Variants in TEX264 observed in about 807,000 individuals in gnomAD.
TEX264 encodes the protein testis expressed 264, ER-phagy receptor, also known as testis-expressed protein 264.
TEX264 carries 13 observed loss-of-function variants against 23.4 expected under a neutral mutation model. That is an observed-to-expected ratio of 0.56 (90% CI 0.36 to 0.88). TEX264 has a LOEUF of 0.88. Ranked by LOEUF, TEX264 falls within the 40% of genes least tolerant of loss-of-function variation. The probability of loss-of-function intolerance (pLI) is 0.01; values close to 1 mark genes in which losing one functional copy is unlikely to be tolerated. For synonymous variants in TEX264, 159 were observed against 170.0 expected (o/e 0.94, Z 0.50); for missense variants, 340 against 406.8 (o/e 0.84, Z 1.41).
chr3:51,681,707 C>G (rs1702434953), intron 2 of TEX264: 1 of 152,244 alleles, frequency 6.6e-6, no homozygotes. Flanking sequence ...CGGGCTGGGC[C>G]AGAGCCTGGA....
At chr3:51,675,076 T>C (rs945445210) in intron 2 of TEX264, among the ~76,000 whole-genome samples, 2 of 152,252 alleles carry the variant, frequency 1.3e-5, no homozygotes, top group African/African-American at 4.8e-5. Context: ...TCAGCCATTC[T>C]GATGCCCCTC....
intron 4 of TEX264, among the ~76,000 whole-genome samples, chr3:51,700,551 CTT>C (rs1474391191): frequency 6.6e-6 from 1 of 152,100 alleles, no homozygotes; most frequent in Non-Finnish European, 1.5e-5. Flanking sequence ...GGCAGACACT[CTT>C]CAGTGCCCCT....
Position 51,674,472 on chromosome 3 carries a change from C to G in TEX264, c.168C>G (p.Leu56=). 1 of 1,614,200 alleles carries G rather than the reference C, an allele frequency of 6.2e-7. No individual in the cohort carries two copies. The highest frequency in any genetic ancestry group is 8.5e-7 in the Non-Finnish European group (1 of 1,180,038). ...VTVAYKFHMG[L]YGETGRLFTE... The stretch of plus-strand genomic sequence containing the variant: ...TGGCCTACAAGTTCCACATGGGGCT[C>G]TATGGTGAGACTGGGCGGCTTTTCA... Residue 56 remains leucine (L), a synonymous_variant, in exon 2 of 5, where the codon CTC becomes CTG. Transcript: ENST00000341333.
intron 4 of TEX264, among the ~76,000 whole-genome samples, chr3:51,702,798 C>G (rs1388026354): frequency 6.6e-6 from 1 of 152,224 alleles, no homozygotes; most frequent in African/African-American, 2.4e-5. Flanking sequence ...GGGAGATGAA[C>G]CCAGGGGTTG....
intron 3 of TEX264, among the ~76,000 whole-genome samples, chr3:51,685,226 C>T (rs529675645): frequency 4.6e-4 from 70 of 152,358 alleles, no homozygotes; most frequent in Non-Finnish European, 9.0e-4. Flanking sequence ...TCTGTGTCTA[C>T]AGAAATTTTT....
intron 3 of TEX264, among the ~76,000 whole-genome samples, chr3:51,688,064 G>C (rs955575349): frequency 2.0e-5 from 3 of 152,162 alleles, no homozygotes; most frequent in Non-Finnish European, 4.4e-5. Flanking sequence ...CATTCCCCTG[G>C]AATCCATGCG....
chr3:51,694,435 AGG>A (rs1032666276), intron 3 of TEX264: 6 of 152,126 alleles, frequency 3.9e-5, no homozygotes, highest in African/African-American at 1.4e-4. Context: ...CTGGCCAAAG[AGG>A]GAAAGAGGGA....
rs1330641862 is a variant in TEX264, at chr3:51,671,268, C to T, written c.-55C>T. 1 of 152,142 alleles carries T rather than the reference C, an allele frequency of 6.6e-6. No individual in the cohort carries two copies. The highest frequency in any genetic ancestry group is 2.4e-5 in the African/African-American group (1 of 41,440). The allele number at this position is 152,142 out of a possible 1,614,324, so 9.4% of individuals were successfully genotyped here. On this transcript the variant is annotated 5_prime_UTR_variant, in exon 1 of 5. Coordinates refer to ENST00000341333, the MANE Select transcript of TEX264 (RefSeq NM_015926.6). The stretch of plus-strand genomic sequence containing the variant: ...CTGAGCCGCCTGCGCGGATCGGCGT[C>T]CGCAGCGGGCGGCTGCTGAGGTGAG...
chr3:51,689,961 G>A (rs1272503556), intron 3 of TEX264, among the ~76,000 whole-genome samples: 1 of 152,186 alleles, frequency 6.6e-6, no homozygotes. Flanking sequence ...GAACTCCTGA[G>A]TGGTGGGTGA....
At chr3:51,695,386 T>G (rs1478322165) in intron 3 of TEX264, among the ~76,000 whole-genome samples, 1 of 152,208 alleles carries the variant, frequency 6.6e-6, no homozygotes, top group Non-Finnish European at 1.5e-5. Context: ...AGCCTCTGGG[T>G]AGCCTGGGAG....
intron 3 of TEX264, among the ~76,000 whole-genome samples, chr3:51,693,759 C>A (rs1388053157): frequency 6.6e-6 from 1 of 152,114 alleles, no homozygotes; most frequent in East Asian, 1.9e-4. Flanking sequence ...GGATGACAGG[C>A]GTGAGCCACC....
chr3:51,681,206 C>T (rs1355026120), intron 2 of TEX264: 4 of 152,290 alleles, frequency 2.6e-5, no homozygotes, highest in African/African-American at 4.8e-5. Context: ...TTCTTAGCTC[C>T]CTTCTTCCAC....
chr3:51,675,379 T>G (rs747452841), intron 2 of TEX264, among the ~76,000 whole-genome samples: 2 of 152,152 alleles, frequency 1.3e-5, no homozygotes, highest in Non-Finnish European at 2.9e-5. Context: ...AAACCAAGCA[T>G]TTGGAATCCC....
At chr3:51,702,044 C>G (rs963551283) in intron 4 of TEX264, among the ~76,000 whole-genome samples, 1 of 152,140 alleles carries the variant, frequency 6.6e-6, no homozygotes, top group African/African-American at 2.4e-5. Context: ...TCTGAACATT[C>G]CTAGCCTAGG....
At chr3:51,685,700 C>T (rs903618072) in intron 3 of TEX264, among the ~76,000 whole-genome samples, 6 of 152,222 alleles carry the variant, frequency 3.9e-5, no homozygotes, top group African/African-American at 1.2e-4. Flanking sequence ...GATGAGCTGT[C>T]CCATCTCTGG....
At position 51,703,495 on chromosome 3, in the gene TEX264, A is replaced by ACCCTCTCTCCCTCCCT. The variant is rs1373550865; in HGVS notation, c.650-223_650-208dup. ...GAAGAGTGCACAGCTGCCTCCTCCC[A>ACCCTCTCTCCCTCCCT]CCCTCTCTCCCTCCCTCCCTCCTTC... is the stretch of plus-strand genomic sequence containing the variant. On this transcript the variant is annotated intron_variant, in intron 4 of 4. Transcript: ENST00000341333. The surrounding 1 kb of genome is among the most constrained non-coding windows in gnomAD (Gnocchi z 4.8). Among the ~76,000 whole-genome samples the ACCCTCTCTCCCTCCCT allele has an allele frequency of 2.7e-3, 405 of 149,872 alleles. 3 individuals are homozygous for ACCCTCTCTCCCTCCCT. Among genetic ancestry groups the ACCCTCTCTCCCTCCCT allele is most frequent in the African/African-American group, 9.5e-3 (384 of 40,442 alleles).
chr3:51,703,357 CTT>C lies in TEX264; in HGVS notation c.650-365_650-364del, dbSNP rs756092071. The stretch of plus-strand genomic sequence containing the variant: ...GGTGGAGAGGACACTACTTGTGTCT[CTT>C]TGTTCTACCTCAGCTCCTCACCTCA... On this transcript the variant is annotated intron_variant, in intron 4 of 4. Transcript: ENST00000341333. This position sits in a 1 kb window ranked among gnomAD's most constrained non-coding sequence, Gnocchi z 4.8. Among the ~76,000 whole-genome samples, 137 of 152,278 alleles carry C rather than the reference CTT, an allele frequency of 9.0e-4. No homozygotes were observed. The highest frequency in any genetic ancestry group is 1.7e-3 in the Non-Finnish European group (117 of 68,018).
chr3:51,687,853 C>T (rs1202414232), intron 3 of TEX264, among the ~76,000 whole-genome samples: 13 of 152,256 alleles, frequency 8.5e-5, no homozygotes, highest in African/African-American at 2.4e-5. Context: ...CTGAAGTTCA[C>T]GGCGAGAGGC....
At chr3:51,684,280 T>A (rs1702533640) in intron 2 of TEX264, 133 bp from the exon 3 acceptor site, 1 of 755,374 alleles carries the variant, frequency 1.3e-6, no homozygotes, top group Non-Finnish European at 2.2e-6. Flanking sequence ...AGCTGTGTCC[T>A]GGTATCTGGG....
Sources: gnomAD v4.1 joint callset for allele counts (sites outside exome capture counted in the v4.1 genomes callset) on GRCh38, gnomAD v4.1.1 for gene constraint, Gnocchi (gnomAD v3.1) non-coding constraint, MANE v1.5 for transcripts, NCBI Gene and HGNC (gene_info 2026-07-23, HGNC 2026-07-21) for gene names.